Variants in CES4A observed in about 807,000 individuals in gnomAD.
CES4A encodes the protein carboxylesterase 4A, also known as carboxylesterase 6.
In CES4A, 48 loss-of-function variants were observed where a neutral mutation model predicts 65.4. That is an observed-to-expected ratio of 0.73 (90% CI 0.58 to 0.93). The LOEUF (loss-of-function observed/expected upper bound fraction) is 0.93, where lower values mean the gene tolerates loss of function less well. Ranked by LOEUF, CES4A falls within the 40% of genes least tolerant of loss-of-function variation. The pLI, the probability that CES4A is intolerant of heterozygous loss-of-function variation, is 0.00. For missense variants in CES4A, 685 were observed against 728.5 expected (o/e 0.94, Z 0.69); for synonymous variants, 247 against 281.8 (o/e 0.88, Z 1.24).
chr16:67,006,978 G>A (rs752980012), intron 13 of CES4A, 161 bp downstream of exon 13: 24 of 618,638 alleles, frequency 3.9e-5, no homozygotes, highest in Middle Eastern at 4.2e-4. Flanking sequence ...GTCAGTCACC[G>A]GATCCTAAAC....
chr16:67,001,883 G>A lies in CES4A; in HGVS notation c.690+422G>A, dbSNP rs1965390854. ...TCCTGTGTGACTGCTGACCTGGGAT[G>A]TGCCTGGAATGTGGGTGTACTGTAA... On this transcript the variant is annotated intron_variant, in intron 5 of 13. Coordinates refer to ENST00000648724, the Ensembl canonical transcript of CES4A. This position sits in a 1 kb window ranked among gnomAD's most constrained non-coding sequence, Gnocchi z 4.1. 6.6e-6 allele frequency among the ~76,000 whole-genome samples: 1 copy of A among 152,270 alleles called. No homozygotes were observed. The highest frequency in any genetic ancestry group is 1.9e-4 in the East Asian group (1 of 5,204).
chr16:66,988,871 G>A (rs938111916), intron 1 of CES4A, 41 bp downstream of exon 1: 11 of 1,538,574 alleles, frequency 7.1e-6, no homozygotes, highest in Non-Finnish European at 9.6e-6. Context: ...AGGCAAGACG[G>A]GCACAAGGGA....
In CES4A at chr16:66,995,653, A is replaced by G. The variant is rs759497902; in HGVS notation, c.84A>G (p.Gln28=). The change falls in exon 2 of 14, where the codon CAA becomes CAG. Residue 28 remains glutamine (Q), a synonymous_variant. Coordinates refer to ENST00000648724, the Ensembl canonical transcript of CES4A. Reference sequence around the variant, plus strand: ...GTGCCTTGCACACCAAGAGGCCTCAAGTGGTCACCAAATATGGAACCCTGC... The same window carrying G: ...GTGCCTTGCACACCAAGAGGCCTCAGGTGGTCACCAAATATGGAACCCTGC... 4 of 1,614,202 alleles carry G rather than the reference A, an allele frequency of 2.5e-6. No individual in the cohort carries two copies. In the South Asian group the frequency reaches 4.4e-5, roughly 18 times the overall value.
downstream of CES4A, chr16:67,009,777 G>C (rs1474861150): frequency 6.6e-6 from 1 of 152,336 alleles, no homozygotes; most frequent in Non-Finnish European, 1.5e-5. Context: ...TGAAGTGAAT[G>C]ATGTCTCAAT....
rs1965222615 is a variant in CES4A, at chr16:67,000,654, TG to T, written c.281del (p.Gly94AlafsTer26). On this transcript the variant is annotated frameshift_variant, in exon 3 of 14. Transcript: ENST00000648724. LOFTEE classifies it high-confidence loss of function. The surrounding 1 kb of genome is among the most constrained non-coding windows in gnomAD (Gnocchi z 4.2). ...TGCCCGCAGGTGCCTGCAGGAGTCC[TG>T]GGGCCAGCTGGCCTCGATGTACGTC... 6.5e-7 allele frequency: 1 copy of T among 1,548,814 alleles called. No individual in the cohort carries two copies. The highest frequency in any genetic ancestry group is 2.3e-4 in the Middle Eastern group (1 of 4,370).
rs181709052 is a variant in CES4A at position 67,003,090 on chromosome 16, G to C, written c.711G>C (p.Ser237=). Residue 237 remains serine (S), a synonymous_variant, in exon 6 of 14, where the codon TCG becomes TCC. Transcript: ENST00000648724. This position sits in a 1 kb window ranked among gnomAD's most constrained non-coding sequence, Gnocchi z 4.2. ...TGCAGATGATGTCACCCCTAGCCTCGGGTCTCTTCCATCGGGCCATTTCCC... is the reference window on the plus strand; with the variant it reads ...TGCAGATGATGTCACCCCTAGCCTCCGGTCTCTTCCATCGGGCCATTTCCC... The C allele has an allele frequency of 1.2e-6, 2 of 1,614,016 alleles. No individual in the cohort carries two copies. The highest frequency in any genetic ancestry group is 4.5e-5 in the East Asian group (2 of 44,876).
intron 13 of CES4A, chr16:67,007,221 T>C: frequency 5.8e-6 from 1 of 171,756 alleles, no homozygotes; most frequent in Non-Finnish European, 1.2e-5. Context: ...TTTGAGAGCA[T>C]AGAGGAGGTG....
exon 13 of CES4A, chr16:67,006,759 AAGG>A (rs1965792623): frequency 2.5e-6 from 4 of 1,613,974 alleles, no homozygotes; most frequent in Non-Finnish European, 3.4e-6. Context: ...TTCCATGGGT[AAGG>A]AGAAGGCACT....
In CES4A at chr16:67,003,379, C is replaced by T. The variant is rs1243990355; in HGVS notation, c.900+19C>T. 6.2e-7 allele frequency: 1 copy of T among 1,610,074 alleles called. No homozygotes were observed. Among genetic ancestry groups the T allele is most frequent in the East Asian group, 2.2e-5 (1 of 44,858 alleles). On this transcript the variant is annotated intron_variant, in intron 7 of 13. Coordinates refer to ENST00000648724, the Ensembl canonical transcript of CES4A. This position sits in a 1 kb window ranked among gnomAD's most constrained non-coding sequence, Gnocchi z 4.2. ...CAAGATGGTAGGTAGAACATTCCAGCTGCCTGACCTGGCTGCCTGAGGGCC... is the reference window on the plus strand; with the variant it reads ...CAAGATGGTAGGTAGAACATTCCAGTTGCCTGACCTGGCTGCCTGAGGGCC...
intron 2 of CES4A, among the ~76,000 whole-genome samples, chr16:66,998,864 CAAA>C (rs1053466447): frequency 1.6e-5 from 2 of 127,162 alleles, no homozygotes; most frequent in Non-Finnish European, 1.7e-5. Flanking sequence ...CCATCTCAAA[CAAA>C]AAAAAAAAAG....
rs1965285804 is a variant in CES4A, at chr16:67,001,049, GGGAA to G, written c.536+62_536+65del. The G allele has an allele frequency of 1.6e-6, 2 of 1,231,968 alleles. No individual in the cohort carries two copies. The highest frequency in any genetic ancestry group is 2.3e-6 in the Non-Finnish European group (2 of 858,998). 76.3% of individuals were successfully genotyped at this position (1,231,968 alleles called of 1,614,324 possible). A position where few individuals can be genotyped will look rare whatever the true frequency, so the allele number is the denominator to read the frequency against. ...GTGGCCAGAGCGGCGGGGACTGGGTGGGAAGGGAGGGGCGGGGCCTGGGGCGGGG... is the reference window on the plus strand; with the variant it reads ...GTGGCCAGAGCGGCGGGGACTGGGTGGGGAGGGGCGGGGCCTGGGGCGGGG... On this transcript the variant is annotated intron_variant, in intron 4 of 13. Coordinates refer to ENST00000648724, the Ensembl canonical transcript of CES4A. This position sits in a 1 kb window ranked among gnomAD's most constrained non-coding sequence, Gnocchi z 4.1.
intron 12 of CES4A, 69 bp from the exon 13 acceptor site, chr16:67,006,676 A>C: frequency 6.5e-7 from 1 of 1,549,752 alleles, no homozygotes. Context: ...CAGCAGAAGC[A>C]GCAGGAGTAG....
chr16:67,000,528 C>G lies in CES4A; in HGVS notation c.261-110C>G. 6.9e-7 allele frequency: 1 copy of G among 1,459,662 alleles called. No individual in the cohort carries two copies. Among genetic ancestry groups the G allele is most frequent in the Non-Finnish European group, 9.1e-7 (1 of 1,102,738 alleles). The allele number at this position is 1,459,662 out of a possible 1,614,324, so 90.4% of individuals were successfully genotyped here. On this transcript the variant is annotated intron_variant, in intron 2 of 13. Coordinates refer to ENST00000648724, the Ensembl canonical transcript of CES4A. The surrounding 1 kb of genome is among the most constrained non-coding windows in gnomAD (Gnocchi z 4.2). ...ACACGCACGCACATGCGCACGCACACGCACGCGCACAGACGCTGCCTGGAT... is the reference window on the plus strand; with the variant it reads ...ACACGCACGCACATGCGCACGCACAGGCACGCGCACAGACGCTGCCTGGAT...
chr16:66,988,609 G>T, exon 1 of CES4A: 1 of 1,419,390 alleles, frequency 7.0e-7, no homozygotes, highest in Non-Finnish European at 9.4e-7. Flanking sequence ...CTGTGGGCTG[G>T]TCAGAAGCTG....
chr16:67,006,520 G>A lies in CES4A; in HGVS notation c.1444+1G>A, dbSNP rs1357859122. The A allele has an allele frequency of 1.3e-6, 2 of 1,538,196 alleles. No homozygotes were observed. Among genetic ancestry groups the A allele is most frequent in the Non-Finnish European group, 1.7e-6 (2 of 1,147,354 alleles). ...CTCTTTGGGGGCCCCTTCGCCACAG[G>A]TGCAAAGGTCCCACCTGATACCCCA... On this transcript the variant is annotated splice_donor_variant, in intron 12 of 13. Transcript: ENST00000648724. LOFTEE classifies it high-confidence loss of function.
chr16:67,007,101 G>C, intron 13 of CES4A: 1 of 402,386 alleles, frequency 2.5e-6, no homozygotes, highest in South Asian at 4.5e-5. Flanking sequence ...CTGGGAGCTG[G>C]AATTCAAGGA....
At position 67,004,359 on chromosome 16, in the gene CES4A, T is replaced by TGGGAGCCTCCATAA. The variant is rs559924222; in HGVS notation, c.1080+145_1080+146insATAAGGGAGCCTCC. ...AGCCCCTCTGTGGATGCCCTATGTT[T>TGGGAGCCTCCATAA]GGGAGCCTCCTGTAGTCCCTGTACA... is the stretch of plus-strand genomic sequence containing the variant. On this transcript the variant is annotated intron_variant, in intron 9 of 13. Coordinates refer to ENST00000648724, the Ensembl canonical transcript of CES4A. 3.5e-4 allele frequency: 326 copies of TGGGAGCCTCCATAA among 943,946 alleles called. No individual in the cohort carries two copies. In the African/African-American group the frequency reaches 3.5e-3, roughly 10 times the overall value. The allele number at this position is 943,946 out of a possible 1,614,324, so 58.5% of individuals were successfully genotyped here.
rs1015274352 is a variant in CES4A, at chr16:67,000,314, C to G, written c.261-324C>G. 6.6e-6 allele frequency among the ~76,000 whole-genome samples: 1 copy of G among 151,758 alleles called. No individual in the cohort carries two copies. The highest frequency in any genetic ancestry group is 1.5e-5 in the Non-Finnish European group (1 of 67,934). On this transcript the variant is annotated intron_variant, in intron 2 of 13. Transcript: ENST00000648724. This position sits in a 1 kb window ranked among gnomAD's most constrained non-coding sequence, Gnocchi z 4.2. ...AGCTGTTTGGGAGGCAGAAGGGAGA[C>G]TGAGGGGAGGGTGGGGCATGAAAGA...
At chr16:66,993,203 G>A (rs1428725036) in intron 1 of CES4A, among the ~76,000 whole-genome samples, 3 of 152,234 alleles carry the variant, frequency 2.0e-5, no homozygotes, top group Non-Finnish European at 4.4e-5. Context: ...CTTGCATTGT[G>A]TATGTGTGCT....
Sources: allele counts gnomAD v4.1 joint callset (sites outside exome capture counted in the v4.1 genomes callset), GRCh38; gene constraint gnomAD v4.1.1; non-coding constraint Gnocchi (gnomAD v3.1); transcripts MANE v1.5; gene names NCBI Gene and HGNC (gene_info 2026-07-23, HGNC 2026-07-21).